The following VANGL1 variants were observed in gnomAD, a reference collection of about 807,000 sequenced individuals.
VANGL1 encodes vang-like protein 1.
In VANGL1, 18 loss-of-function variants were observed where a neutral mutation model predicts 48.4. The ratio of observed to expected loss-of-function variants is 0.37; its 90% CI spans 0.26 to 0.55. The LOEUF is 0.55. Ranked by LOEUF, VANGL1 falls within the 20% of genes least tolerant of loss-of-function variation. The pLI, the probability that VANGL1 is intolerant of heterozygous loss-of-function variation, is 0.81. For missense variants in VANGL1, 667 were observed against 675.8 expected (o/e 0.99, Z 0.14); for synonymous variants, 257 against 261.8 (o/e 0.98, Z 0.18).
chr1:115,671,947 C>G (rs1652991712), intron 4 of VANGL1, among the ~76,000 whole-genome samples: 1 of 152,222 alleles, frequency 6.6e-6, no homozygotes, highest in African/African-American at 2.4e-5. Context: ...AGAACTGCCA[C>G]TGGGTCGTGG....
chr1:115,668,935 T>G (rs1244629414), intron 4 of VANGL1, among the ~76,000 whole-genome samples: 1 of 152,192 alleles, frequency 6.6e-6, no homozygotes, highest in Non-Finnish European at 1.5e-5. Flanking sequence ...CACAGCCCTA[T>G]CCCACATTTA....
At chr1:115,663,585 C>G in intron 3 of VANGL1, 76 bp from the exon 4 acceptor site, 3 of 1,591,572 alleles carry the variant, frequency 1.9e-6, no homozygotes, top group Non-Finnish European at 2.6e-6. Context: ...TGCAGCGGGC[C>G]CTGCATGTTC....
At chr1:115,663,079 C>G (rs1313972822) in intron 3 of VANGL1, among the ~76,000 whole-genome samples, 1 of 152,140 alleles carries the variant, frequency 6.6e-6, no homozygotes, top group Admixed American at 6.5e-5. Context: ...GCCACCGCGC[C>G]CCAGTCCATA....
At chr1:115,673,355 T>A (rs1018594713) in intron 4 of VANGL1, among the ~76,000 whole-genome samples, 3 of 152,188 alleles carry the variant, frequency 2.0e-5, no homozygotes, top group African/African-American at 7.2e-5. Context: ...TTCCTAAGGC[T>A]GAAGTAATAG....
At chr1:115,690,986 T>A in intron 7 of VANGL1, 133 bp from the exon 8 acceptor site, 1 of 1,245,906 alleles carries the variant, frequency 8.0e-7, no homozygotes, top group Non-Finnish European at 1.1e-6. Context: ...TTGAGTGTGA[T>A]GAGCTGGGCT....
intron 4 of VANGL1, among the ~76,000 whole-genome samples, chr1:115,677,997 A>G (rs1314874792): frequency 1.3e-5 from 2 of 152,198 alleles, no homozygotes; most frequent in Non-Finnish European, 2.9e-5. Flanking sequence ...TATGAAATAC[A>G]TATTCAAGAC....
chr1:115,691,497 G>A lies in VANGL1; in HGVS notation c.*118G>A. The A allele has an allele frequency of 8.6e-7, 1 of 1,161,396 alleles. No homozygotes were observed. Among genetic ancestry groups the A allele is most frequent in the Non-Finnish European group, 1.2e-6 (1 of 843,078 alleles). 71.9% of individuals were successfully genotyped at this position (1,161,396 alleles called of 1,614,324 possible). A position where few individuals can be genotyped will look rare whatever the true frequency, so the allele number is the denominator to read the frequency against. ...TCTTCATTGCTGACTGAAACTGGCA[G>A]ATGATTGACCAGTATCCTTTGACCA... On this transcript the variant is annotated 3_prime_UTR_variant, in exon 8 of 8. Transcript: ENST00000355485.
intron 6 of VANGL1, 114 bp from the exon 7 acceptor site, chr1:115,685,179 T>C (rs2101031249): frequency 9.1e-7 from 1 of 1,095,632 alleles, no homozygotes; most frequent in Admixed American, 2.0e-5. Context: ...GCAGCGTGAT[T>C]GGGCCTTGGG....
chr1:115,658,575 C>T (rs1023362215), intron 2 of VANGL1, among the ~76,000 whole-genome samples: 3 of 152,182 alleles, frequency 2.0e-5, no homozygotes, highest in Non-Finnish European at 4.4e-5. Context: ...TGTTTGTCTC[C>T]AAAATCTGCT....
chr1:115,669,535 C>T lies in VANGL1; in HGVS notation c.812+5267C>T, dbSNP rs114560753. On this transcript the variant is annotated intron_variant, in intron 4 of 7. Coordinates refer to ENST00000355485, the MANE Select transcript of VANGL1 (RefSeq NM_138959.3). ...GTTCATTGAATCACGGGGGCGATTTCCCCCATACTGTTCCTGTGGTAGTGA... is the reference window on the plus strand; with the variant it reads ...GTTCATTGAATCACGGGGGCGATTTTCCCCATACTGTTCCTGTGGTAGTGA... Among the ~76,000 whole-genome samples the T allele has an allele frequency of 4.2e-3, 644 of 152,180 alleles. 12 individuals carry two copies. The highest frequency in any genetic ancestry group is 0.015 in the African/African-American group (610 of 41,506).
intron 4 of VANGL1, among the ~76,000 whole-genome samples, chr1:115,675,785 A>G (rs773112385): frequency 3.9e-5 from 6 of 152,156 alleles, no homozygotes; most frequent in African/African-American, 7.2e-5. Flanking sequence ...GCGAGACTCC[A>G]TCCCTAAATA....
chr1:115,683,775 T>C (rs1287605921), intron 5 of VANGL1, among the ~76,000 whole-genome samples, 169 bp from the exon 6 acceptor site: 1 of 152,230 alleles, frequency 6.6e-6, no homozygotes, highest in Non-Finnish European at 1.5e-5. Context: ...ACATAGTGAA[T>C]GTGGAGCCGG....
In VANGL1 at chr1:115,685,535, G is replaced by A. The variant is rs766132776; in HGVS notation, c.1314+8G>A. 30 of 1,613,494 alleles carry A rather than the reference G, an allele frequency of 1.9e-5. No individual in the cohort carries two copies. The highest frequency in any genetic ancestry group is 2.5e-5 in the Non-Finnish European group (29 of 1,179,786). On this transcript the variant is annotated splice_region_variant and intron_variant, in intron 7 of 7. Coordinates refer to ENST00000355485, the MANE Select transcript of VANGL1 (RefSeq NM_138959.3). ...AACGGCATGACCCCCAAGGTGCGCT[G>A]CTCCGGGCGGGCTCTGCCACCGTCA...
chr1:115,642,246 C>CGGGGGCTCCCTCCCCTCCTCCG (rs1651759608), intron 1 of VANGL1, among the ~76,000 whole-genome samples, 160 bp downstream of exon 1: 1 of 151,898 alleles, frequency 6.6e-6, no homozygotes, highest in African/African-American at 2.4e-5. Flanking sequence ...CGCCTCGGGC[C>CGGGGGCTCCCTCCCCTCCTCCG]GGGGGCTCCC....
At chr1:115,690,788 A>G (rs1414743692) in intron 7 of VANGL1, among the ~76,000 whole-genome samples, 1 of 152,208 alleles carries the variant, frequency 6.6e-6, no homozygotes, top group African/African-American at 2.4e-5. Context: ...GTAGGACCAT[A>G]CCCTAAGAAT....
At chr1:115,646,599 A>G (rs1023047904) in intron 1 of VANGL1, among the ~76,000 whole-genome samples, 2 of 147,846 alleles carry the variant, frequency 1.4e-5, no homozygotes, top group African/African-American at 5.1e-5. Flanking sequence ...GATAATTTCT[A>G]AAGTTTCTTC....
intron 1 of VANGL1, among the ~76,000 whole-genome samples, chr1:115,644,645 C>G (rs533331865): frequency 6.6e-6 from 1 of 152,314 alleles, no homozygotes; most frequent in Non-Finnish European, 1.5e-5. Context: ...TGATCAGACT[C>G]TGTACCATCA....
At chr1:115,658,299 T>G (rs1165571482) in intron 2 of VANGL1, among the ~76,000 whole-genome samples, 1 of 152,216 alleles carries the variant, frequency 6.6e-6, no homozygotes, top group Non-Finnish European at 1.5e-5. Flanking sequence ...AGATATGTTG[T>G]GTGTTAATAG....
chr1:115,663,535 T>G, intron 3 of VANGL1, 126 bp from the exon 4 acceptor site: 1 of 1,327,446 alleles, frequency 7.5e-7, no homozygotes, highest in Non-Finnish European at 1.0e-6. Flanking sequence ...AGAGTTAAGC[T>G]TTCATTTTCT....
Sources: allele counts gnomAD v4.1 joint callset (sites outside exome capture counted in the v4.1 genomes callset), GRCh38; gene constraint gnomAD v4.1.1; transcripts MANE v1.5; gene names NCBI Gene and HGNC (gene_info 2026-07-23, HGNC 2026-07-21).